The following DERA variants were observed in gnomAD, a reference collection of about 807,000 sequenced individuals.
DERA encodes deoxyribose-phosphate aldolase.
In DERA, 15 loss-of-function variants were observed where a neutral mutation model predicts 41.1. The ratio of observed to expected loss-of-function variants is 0.37; its 90% CI spans 0.24 to 0.56. The LOEUF (loss-of-function observed/expected upper bound fraction) is 0.56. Ranked by LOEUF, DERA falls within the 20% of genes least tolerant of loss-of-function variation. DERA has a pLI of 0.81. For missense variants in DERA, 396 were observed against 403.4 expected, an observed-to-expected ratio of 0.98 and a Z score of 0.16; for synonymous variants, 139 against 137.4, an observed-to-expected ratio of 1.01 and a Z score of -0.08.
Position 15,964,624 on chromosome 12 carries a change from A to T in DERA, c.508+1677A>T, listed in dbSNP as rs527890294. On this transcript the variant is annotated intron_variant, in intron 5 of 8. Coordinates refer to ENST00000428559, the MANE Select transcript of DERA (RefSeq NM_015954.4). Reference sequence around the variant, plus strand: ...AAGGCTAGAGTAAAATGAAAAAGTGAGTAAGCGTAGTATTTAAAACAAATC... The same window carrying T: ...AAGGCTAGAGTAAAATGAAAAAGTGTGTAAGCGTAGTATTTAAAACAAATC... 2.0e-5 allele frequency among the ~76,000 whole-genome samples: 3 copies of T among 152,228 alleles called. No individual in the cohort carries two copies. In the East Asian group the frequency reaches 5.8e-4, roughly 29 times the overall value.
rs889162259 is a variant in DERA at position 15,966,779 on chromosome 12, G to A, written c.508+3832G>A. On this transcript the variant is annotated intron_variant, in intron 5 of 8. Transcript: ENST00000428559. The surrounding 1 kb of genome is among the most constrained non-coding windows in gnomAD (Gnocchi z 5.1). ...ATGTTTCTCAGAATCTGAGAACTGT[G>A]GTTCTCAGATTCTGTCCCAGTGTGA... Among the ~76,000 whole-genome samples, 1 of 151,962 alleles carries A rather than the reference G, an allele frequency of 6.6e-6. No individual in the cohort carries two copies. Among genetic ancestry groups the A allele is most frequent in the Non-Finnish European group, 1.5e-5 (1 of 67,996 alleles).
chr12:15,954,771 C>T lies in DERA; in HGVS notation c.32-2165C>T, dbSNP rs915058175. 3.9e-5 allele frequency among the ~76,000 whole-genome samples: 6 copies of T among 152,034 alleles called. No individual in the cohort carries two copies. Among genetic ancestry groups the T allele is most frequent in the Admixed American group, 1.3e-4 (2 of 15,256 alleles). On this transcript the variant is annotated intron_variant, in intron 1 of 8. Transcript: ENST00000428559. This position sits in a 1 kb window ranked among gnomAD's most constrained non-coding sequence, Gnocchi z 4.0. ...AGTGGCGACAGTAGTGGTAGTGGTG[C>T]GTTGGGAGTAGAGAATGGGAAGGAC...
chr12:15,992,661 A>G lies in DERA; in HGVS notation c.637+10225A>G, dbSNP rs146468639. Reference sequence around the variant, plus strand: ...TTTCCTTGAACAATCCAAGAACAAGATGATAGGACATAAGATAGGGAAACA... The same window carrying G: ...TTTCCTTGAACAATCCAAGAACAAGGTGATAGGACATAAGATAGGGAAACA... On this transcript the variant is annotated intron_variant, in intron 6 of 8. Coordinates refer to ENST00000428559, the MANE Select transcript of DERA (RefSeq NM_015954.4). This position sits in a 1 kb window ranked among gnomAD's most constrained non-coding sequence, Gnocchi z 4.3. Among the ~76,000 whole-genome samples the G allele has an allele frequency of 1.2e-3, 182 of 152,318 alleles. 1 individual carries two copies. Among genetic ancestry groups the G allele is most frequent in the Non-Finnish European group, 1.9e-3 (129 of 68,000 alleles).
At chr12:16,033,581 T>TTGTGTGTGTGTGTGTGTGTGTGTGTGTG (rs146182174) in intron 7 of DERA, among the ~76,000 whole-genome samples, 1 of 127,662 alleles carries the variant, frequency 7.8e-6, no homozygotes, top group African/African-American at 3.0e-5. Flanking sequence ...GAGAGCAAGG[T>TTGTGTGTGTGTGTGTGTGTGTGTGTGTG]TGTGTGTGTG....
At chr12:15,979,054 C>A (rs1335193789) in intron 5 of DERA, among the ~76,000 whole-genome samples, 3 of 152,192 alleles carry the variant, frequency 2.0e-5, no homozygotes, top group Middle Eastern at 3.2e-3. Flanking sequence ...AATCCATATA[C>A]TCAGGAGAAT....
intron 6 of DERA, among the ~76,000 whole-genome samples, chr12:15,991,997 T>C (rs1948805224): frequency 6.6e-6 from 1 of 152,104 alleles, no homozygotes; most frequent in South Asian, 2.1e-4. Context: ...CATGCTGTTA[T>C]ACTCTTAGGA....
intron 1 of DERA, among the ~76,000 whole-genome samples, chr12:15,926,542 C>T (rs1185951569): frequency 1.3e-5 from 2 of 152,080 alleles, no homozygotes; most frequent in South Asian, 2.1e-4. Flanking sequence ...CGAGACCATC[C>T]TGGCTAACAC....
In DERA at chr12:15,924,435, A is replaced by C. The variant is rs1439112252; in HGVS notation, c.31+13021A>C. 6.6e-6 allele frequency among the ~76,000 whole-genome samples: 1 copy of C among 152,156 alleles called. No individual in the cohort carries two copies. Among genetic ancestry groups the C allele is most frequent in the African/African-American group, 2.4e-5 (1 of 41,424 alleles). On this transcript the variant is annotated intron_variant, in intron 1 of 8. Coordinates refer to ENST00000428559, the MANE Select transcript of DERA (RefSeq NM_015954.4). The surrounding 1 kb of genome is among the most constrained non-coding windows in gnomAD (Gnocchi z 5.0). The stretch of plus-strand genomic sequence containing the variant: ...ATATATATAAAAGTTAAATAATTGA[A>C]CTCAGTAAATATATTTTTCACTGTA...
chr12:15,973,765 T>G (rs1050427545), intron 5 of DERA, among the ~76,000 whole-genome samples: 2 of 152,066 alleles, frequency 1.3e-5, no homozygotes, highest in African/African-American at 4.8e-5. Context: ...CAAGGATATA[T>G]TGAAGGAAAA....
In DERA at chr12:15,918,130, T is replaced by C. The variant is rs1206418733; in HGVS notation, c.31+6716T>C. On this transcript the variant is annotated intron_variant, in intron 1 of 8. Transcript: ENST00000428559. This position sits in a 1 kb window ranked among gnomAD's most constrained non-coding sequence, Gnocchi z 4.3. ...ACATGCTTCCCCTGGCCCCAGCAGA[T>C]GTTCTTCTCACTGTTCTCAGGCTCT... Among the ~76,000 whole-genome samples the C allele has an allele frequency of 2.0e-5, 3 of 152,178 alleles. No individual in the cohort carries two copies. The highest frequency in any genetic ancestry group is 7.2e-5 in the African/African-American group (3 of 41,450).
intron 5 of DERA, among the ~76,000 whole-genome samples, chr12:15,964,984 C>T (rs1270489184): frequency 1.3e-5 from 2 of 152,102 alleles, no homozygotes; most frequent in African/African-American, 4.8e-5. Flanking sequence ...GTGTTAATAA[C>T]CTCTTGACCC....
rs754516432 is a variant in DERA, at chr12:16,032,593, TC to T, written c.692del (p.Pro231ArgfsTer2). On this transcript the variant is annotated frameshift_variant, in exon 7 of 9. Transcript: ENST00000428559. LOFTEE classifies it high-confidence loss of function. Reference sequence around the variant, plus strand: ...GGAAAAGAAACAGTAAATGCCACCTTCCCGGTAGCTATAGTAATGCTGCGGG... The same window carrying T: ...GGAAAAGAAACAGTAAATGCCACCTTCCGGTAGCTATAGTAATGCTGCGGG... ...STGKETVNATFPVAIVMLRAI... is the reference protein window; with the variant it reads ...STGKETVNATXPVAIVMLRAI... 1.3e-6 allele frequency: 2 copies of T among 1,567,492 alleles called. No individual in the cohort carries two copies. Among genetic ancestry groups the T allele is most frequent in the East Asian group, 2.3e-5 (1 of 42,856 alleles).
intron 6 of DERA, among the ~76,000 whole-genome samples, chr12:16,023,233 C>G (rs2136185713): frequency 6.6e-6 from 1 of 152,200 alleles, no homozygotes; most frequent in Admixed American, 6.5e-5. Flanking sequence ...CATAGGCTCT[C>G]TGAAGAGGAA....
intron 1 of DERA, among the ~76,000 whole-genome samples, chr12:15,947,563 A>G (rs575501736): frequency 6.6e-6 from 1 of 152,208 alleles, no homozygotes; most frequent in East Asian, 1.9e-4. Context: ...TTTGCTTGGT[A>G]GATCTTCCTC....
chr12:15,965,382 T>G lies in DERA; in HGVS notation c.508+2435T>G, dbSNP rs888152974. ...GTGTGCCATGGTGGTTTGCTGCACCTATCAACCCATCACCTAGGTAGGTAT... is the reference window on the plus strand; with the variant it reads ...GTGTGCCATGGTGGTTTGCTGCACCGATCAACCCATCACCTAGGTAGGTAT... On this transcript the variant is annotated intron_variant, in intron 5 of 8. Coordinates refer to ENST00000428559, the MANE Select transcript of DERA (RefSeq NM_015954.4). This position sits in a 1 kb window ranked among gnomAD's most constrained non-coding sequence, Gnocchi z 4.1. Among the ~76,000 whole-genome samples the G allele has an allele frequency of 6.6e-6, 1 of 152,172 alleles. No homozygotes were observed. The highest frequency in any genetic ancestry group is 2.4e-5 in the African/African-American group (1 of 41,446).
At chr12:15,914,420 T>A (rs1409681138) in intron 1 of DERA, among the ~76,000 whole-genome samples, 2 of 143,022 alleles carry the variant, frequency 1.4e-5, no homozygotes, top group Non-Finnish European at 3.1e-5. Flanking sequence ...AAAGAAAAAG[T>A]CTGTTGAATG....
chr12:15,951,893 C>T (rs766185131), intron 1 of DERA, among the ~76,000 whole-genome samples: 6 of 151,728 alleles, frequency 4.0e-5, no homozygotes, highest in Non-Finnish European at 8.8e-5. Flanking sequence ...ACTGATGTAC[C>T]TCGTTCTTTT....
In DERA at chr12:15,936,497, A is replaced by G. The variant is rs146281845; in HGVS notation, c.32-20439A>G. Among the ~76,000 whole-genome samples, 9 of 152,354 alleles carry G rather than the reference A, an allele frequency of 5.9e-5. No homozygotes were observed. The East Asian group carries it at 1.7e-3, about 29-fold the overall frequency. On this transcript the variant is annotated intron_variant, in intron 1 of 8. Transcript: ENST00000428559. The surrounding 1 kb of genome is among the most constrained non-coding windows in gnomAD (Gnocchi z 4.6). Reference sequence around the variant, plus strand: ...CCCTCTCTTTCTTTCACTCATAGACATAAAAAGTTTGCACTTTAAAGAAAT... The same window carrying G: ...CCCTCTCTTTCTTTCACTCATAGACGTAAAAAGTTTGCACTTTAAAGAAAT...
intron 5 of DERA, among the ~76,000 whole-genome samples, chr12:15,969,752 C>G (rs1441415269): frequency 1.3e-5 from 2 of 152,102 alleles, no homozygotes; most frequent in Non-Finnish European, 2.9e-5. Flanking sequence ...GATTTTTACA[C>G]AAGAAGGATG....
Sources: gnomAD v4.1 joint callset for allele counts (sites outside exome capture counted in the v4.1 genomes callset) on GRCh38, gnomAD v4.1.1 for gene constraint, Gnocchi (gnomAD v3.1) non-coding constraint, MANE v1.5 for transcripts, NCBI Gene and HGNC (gene_info 2026-07-23, HGNC 2026-07-21) for gene names.